Variants in KRT39 observed in about 807,000 individuals in gnomAD.
The protein encoded by KRT39 is keratin, type I cytoskeletal 39.
KRT39 carries 47 observed loss-of-function variants against 54.8 expected under a neutral mutation model. That is an observed-to-expected ratio of 0.86 (90% CI 0.68 to 1.09). The LOEUF (loss-of-function observed/expected upper bound fraction) is 1.09. KRT39 is among the 50% of genes least tolerant of loss of function. The pLI is 0.00. For missense variants in KRT39, 580 were observed against 598.5 expected, an observed-to-expected ratio of 0.97 and a Z score of 0.32; for synonymous variants, 207 against 227.9, an observed-to-expected ratio of 0.91 and a Z score of 0.83.
chr17:40,966,917 C>G lies in KRT39; in HGVS notation c.-61G>C. On this transcript the variant is annotated 5_prime_UTR_variant, in exon 1 of 7. Transcript: ENST00000355612. ...GGTCACCAGGATGAAAAGCTCAAGC[C>G]ACCTCCACAGAGTCTGAATTCCAAG... The G allele has an allele frequency of 8.3e-7, 1 of 1,208,218 alleles. No individual in the cohort carries two copies. The highest frequency in any genetic ancestry group is 1.2e-6 in the Non-Finnish European group (1 of 822,112). 74.8% of individuals were successfully genotyped at this position (1,208,218 alleles called of 1,614,324 possible).
intron 5 of KRT39, chr17:40,960,727 C>G (rs191797724): frequency 1.7e-6 from 1 of 578,272 alleles, no homozygotes; most frequent in East Asian, 2.8e-5. Context: ...CTTTTTGCTT[C>G]TCTGTAAGTA....
Position 40,958,436 on chromosome 17 carries a change from G to T in KRT39, c.*165C>A. The T allele has an allele frequency of 1.6e-6, 1 of 630,496 alleles. No homozygotes were observed. Among genetic ancestry groups the T allele is most frequent in the East Asian group, 2.8e-5 (1 of 35,120 alleles). The allele number at this position is 630,496 out of a possible 1,614,324, so 39.1% of individuals were successfully genotyped here. On this transcript the variant is annotated 3_prime_UTR_variant, in exon 7 of 7. Transcript: ENST00000355612. ...TTATCATGTTAGCAGTGGTGAGTTAGGGAAGGAGCAGAATAAAAGATATTC... is the reference window on the plus strand; with the variant it reads ...TTATCATGTTAGCAGTGGTGAGTTATGGAAGGAGCAGAATAAAAGATATTC...
At chr17:40,963,854 C>T (rs1567835007) in intron 2 of KRT39, 71 bp from the exon 3 acceptor site, 1 of 1,290,230 alleles carries the variant, frequency 7.8e-7, no homozygotes, top group Non-Finnish European at 1.1e-6. Flanking sequence ...GCAGAACTCT[C>T]ATCTGCATTT....
At position 40,966,687 on chromosome 17, in the gene KRT39, T is replaced by C. The variant is rs147234820; in HGVS notation, c.170A>G (p.Gln57Arg). ...AAAGCGAGGAGTGGGTTGGCAGCCCTGGTCCCAGGGAATTCTGAGAACGTG... is the reference window on the plus strand; with the variant it reads ...AAAGCGAGGAGTGGGTTGGCAGCCCCGGTCCCAGGGAATTCTGAGAACGTG... ...AGHVLRIPWD[Q>R]GCQPTPRFCR... The change falls in exon 1 of 7, where the codon CAG (glutamine) becomes CGG (arginine). Residue 57 changes from glutamine to arginine, a missense_variant. By Grantham distance (43) the Gln-to-Arg change is conservative. Coordinates refer to ENST00000355612, the MANE Select transcript of KRT39 (RefSeq NM_213656.4). 2.4e-4 allele frequency: 386 copies of C among 1,614,118 alleles called. No individual in the cohort carries two copies. The highest frequency in any genetic ancestry group is 2.4e-4 in the Non-Finnish European group (282 of 1,180,056).
chr17:40,958,583 T>C lies in KRT39; in HGVS notation c.*18A>G. ...CCTCTGTTTCATAAATGTGGGTCAT[T>C]TTCATCACCTTGGGATGTTAGACTT... is the stretch of plus-strand genomic sequence containing the variant. On this transcript the variant is annotated 3_prime_UTR_variant, in exon 7 of 7. Coordinates refer to ENST00000355612, the MANE Select transcript of KRT39 (RefSeq NM_213656.4). 6.3e-7 allele frequency: 1 copy of C among 1,577,714 alleles called. No individual in the cohort carries two copies. The highest frequency in any genetic ancestry group is 8.6e-7 in the Non-Finnish European group (1 of 1,162,212).
intron 1 of KRT39, 117 bp downstream of exon 1, chr17:40,966,272 A>G: frequency 5.2e-6 from 4 of 770,688 alleles, no homozygotes; most frequent in Non-Finnish European, 6.3e-6. Flanking sequence ...AAATTTTTCT[A>G]TTCTTCAAAA....
At chr17:40,964,049 G>A in intron 2 of KRT39, 1 of 428,956 alleles carries the variant, frequency 2.3e-6, no homozygotes. Context: ...GCAATGCAAT[G>A]TAAGTGAAGA....
At chr17:40,962,351 C>T (rs759356520) in intron 4 of KRT39, 51 bp downstream of exon 4, 3 of 1,611,890 alleles carry the variant, frequency 1.9e-6, no homozygotes, top group Non-Finnish European at 1.7e-6. Flanking sequence ...ATTAAAGGGC[C>T]CTAGAAATGC....
At chr17:40,959,007 T>C (rs1324921215) in intron 6 of KRT39, 148 bp from the exon 7 acceptor site, 1 of 701,822 alleles carries the variant, frequency 1.4e-6, no homozygotes, top group East Asian at 2.7e-5. Flanking sequence ...TGTACTGTAG[T>C]TACTGGAAGA....
At position 40,964,363 on chromosome 17, in the gene KRT39, G is replaced by A. The variant is rs1911275137; in HGVS notation, c.551+83C>T. Reference sequence around the variant, plus strand: ...ATCATCTGGGGCAAGAGGGTTAGTAGACATGGGGACAATTTTGTTGAGGGC... The same window carrying A: ...ATCATCTGGGGCAAGAGGGTTAGTAAACATGGGGACAATTTTGTTGAGGGC... On this transcript the variant is annotated intron_variant, in intron 2 of 6. Coordinates refer to ENST00000355612, the MANE Select transcript of KRT39 (RefSeq NM_213656.4). The A allele has an allele frequency of 2.7e-6, 3 of 1,116,508 alleles. No individual in the cohort carries two copies. In the South Asian group the frequency reaches 3.7e-5, roughly 14 times the overall value. 69.2% of individuals were successfully genotyped at this position (1,116,508 alleles called of 1,614,324 possible). A position where few individuals can be genotyped will look rare whatever the true frequency, so the allele number is the denominator to read the frequency against.
chr17:40,960,199 T>G (rs1911080907), intron 6 of KRT39, 82 bp downstream of exon 6: 1 of 1,238,204 alleles, frequency 8.1e-7, no homozygotes, highest in African/African-American at 1.5e-5. Flanking sequence ...ACAAAGCACT[T>G]GACCCCTGTT....
At chr17:40,963,809 A>T (rs1241965092) in intron 2 of KRT39, 26 bp from the exon 3 acceptor site, 2 of 1,555,448 alleles carry the variant, frequency 1.3e-6, no homozygotes, top group Non-Finnish European at 1.8e-6. Context: ...GGGAAAAGAG[A>T]GACATCTGAA....
In KRT39 at chr17:40,966,647, G is replaced by A; in HGVS notation, c.210C>T (p.Ile70=). ...GGGCATTGAAGTTGTTCATTAGGTA[G>A]ATGGGCTTGCGACAAAAGCGAGGAG... ...QPTPRFCRKP[I]YLMNNFNARF... is the part of the protein sequence containing the mutation. Residue 70 remains isoleucine (I), a synonymous_variant, in exon 1 of 7, where the codon ATC becomes ATT. Coordinates refer to ENST00000355612, the MANE Select transcript of KRT39 (RefSeq NM_213656.4). 1 of 1,614,238 alleles carries A rather than the reference G, an allele frequency of 6.2e-7. No homozygotes were observed.
At chr17:40,963,956 A>T (rs561697994) in intron 2 of KRT39, among the ~76,000 whole-genome samples, 173 bp from the exon 3 acceptor site, 35 of 152,282 alleles carry the variant, frequency 2.3e-4, no homozygotes, top group African/African-American at 7.5e-4. Context: ...CTTAATTATT[A>T]TTCCCAAATT....
In KRT39 at chr17:40,958,864, G is replaced by A; in HGVS notation, c.1218-5C>T. Reference sequence around the variant, plus strand: ...GCACGTGGGTAACAGGGACGCCTAAGGAAAAAAAACACAATTTTAGCTGTG... The same window carrying A: ...GCACGTGGGTAACAGGGACGCCTAAAGAAAAAAAACACAATTTTAGCTGTG... On this transcript the variant is annotated splice_region_variant and splice_polypyrimidine_tract_variant and intron_variant, in intron 6 of 6. Transcript: ENST00000355612. The A allele has an allele frequency of 1.9e-6, 3 of 1,563,094 alleles. No individual in the cohort carries two copies. Among genetic ancestry groups the A allele is most frequent in the Admixed American group, 2.0e-5 (1 of 49,924 alleles).
chr17:40,966,258 C>G, intron 1 of KRT39, 131 bp downstream of exon 1: 2 of 682,492 alleles, frequency 2.9e-6, no homozygotes, highest in Non-Finnish European at 5.0e-6. Flanking sequence ...CAATTTCACT[C>G]AAGAAATTTT....
rs17843022 is a variant in KRT39, at chr17:40,960,392, C to T, written c.1106G>A (p.Arg369Gln). 707 of 1,614,066 alleles carry T rather than the reference C, an allele frequency of 4.4e-4. 6 individuals carry two copies. The East Asian group carries it at 0.01, about 23-fold the overall frequency. The change falls in exon 6 of 7, where the codon CGG (arginine) becomes CAG (glutamine). Residue 369 changes from arginine to glutamine, a missense_variant. By Grantham distance (43) the Arg-to-Gln change is conservative. Coordinates refer to ENST00000355612, the MANE Select transcript of KRT39 (RefSeq NM_213656.4). ...DNLEAQLAEIRCALERQNQEY... is the reference protein window; with the variant it reads ...DNLEAQLAEIQCALERQNQEY... ...TTGGTTCTGTCTTTCCAGGGCACAC[C>T]GGATCTCTGCCAGCTGAGCTTCCAG...
intron 3 of KRT39, 40 bp downstream of exon 3, chr17:40,963,587 G>A (rs765058082): frequency 6.5e-7 from 1 of 1,548,520 alleles, no homozygotes; most frequent in Non-Finnish European, 8.8e-7. Context: ...GCTACTTTTA[G>A]GGACTTAGCT....
At position 40,966,904 on chromosome 17, in the gene KRT39, GA is replaced by G. The variant is rs1434837092; in HGVS notation, c.-49del. Reference sequence around the variant, plus strand: ...GTTCCAGGTCTGTGGTCACCAGGATGAAAAGCTCAAGCCACCTCCACAGAGT... The same window carrying G: ...GTTCCAGGTCTGTGGTCACCAGGATGAAAGCTCAAGCCACCTCCACAGAGT... On this transcript the variant is annotated 5_prime_UTR_variant, in exon 1 of 7. Transcript: ENST00000355612. 1.4e-6 allele frequency: 2 copies of G among 1,414,478 alleles called. 1 individual carries two copies. 87.6% of individuals were successfully genotyped at this position (1,414,478 alleles called of 1,614,324 possible). A position where few individuals can be genotyped will look rare whatever the true frequency, so the allele number is the denominator to read the frequency against.
Sources: gnomAD v4.1 joint callset for allele counts (sites outside exome capture counted in the v4.1 genomes callset) on GRCh38, gnomAD v4.1.1 for gene constraint, MANE v1.5 for transcripts, NCBI Gene and HGNC (gene_info 2026-07-23, HGNC 2026-07-21) for gene names.